SUMF1: variants seen among roughly 807,000 people sequenced by gnomAD.
SUMF1 encodes sulfatase modifying factor 1.
In SUMF1, 48 loss-of-function variants were observed where a neutral mutation model predicts 47.6. The observed-to-expected ratio is 1.01, with a 90% CI of 0.80 to 1.28. SUMF1 has a LOEUF of 1.28. Among genes scored for constraint, SUMF1 ranks in the 50% most tolerant of loss-of-function variants. The pLI is 0.00. For missense variants in SUMF1, 571 were observed against 485.4 expected (o/e 1.18, Z -1.66); for synonymous variants, 230 against 192.1 (o/e 1.20, Z -1.63).
intron 8 of SUMF1, among the ~76,000 whole-genome samples, chr3:4,273,714 C>T (rs1392312195): frequency 5.1e-5 from 4 of 78,522 alleles, no homozygotes; most frequent in Admixed American, 2.8e-4. Flanking sequence ...AGGGAGGATA[C>T]GGGAGGGAGG....
intron 8 of SUMF1, among the ~76,000 whole-genome samples, chr3:4,149,093 C>T (rs1694259122): frequency 6.6e-6 from 1 of 152,120 alleles, no homozygotes; most frequent in Non-Finnish European, 1.5e-5. Context: ...TCTGGAGTTC[C>T]TTAAGAGCTC....
At chr3:4,050,300 A>C (rs1335196116) in intron 9 of SUMF1, among the ~76,000 whole-genome samples, 1 of 151,928 alleles carries the variant, frequency 6.6e-6, no homozygotes. Context: ...TTTCCGAAAA[A>C]AAAAATACAT....
chr3:4,325,840 GA>G (rs545032685), intron 8 of SUMF1, among the ~76,000 whole-genome samples: 1,798 of 149,454 alleles, frequency 0.012, 18 homozygotes, highest in African/African-American at 0.037. Flanking sequence ...AATAAAAACT[GA>G]AAAAAAAATG....
chr3:4,065,914 CAG>C (rs1419206785), intron 9 of SUMF1, among the ~76,000 whole-genome samples: 4 of 152,078 alleles, frequency 2.6e-5, no homozygotes, highest in Admixed American at 1.3e-4. Flanking sequence ...TGTGATATGA[CAG>C]GGGAAAAAAT....
chr3:4,392,934 G>A (rs1162006076), intron 7 of SUMF1, among the ~76,000 whole-genome samples: 2 of 151,920 alleles, frequency 1.3e-5, no homozygotes, highest in African/African-American at 4.8e-5. Context: ...AACCCACTGG[G>A]CTTTCACCTT....
intron 8 of SUMF1, among the ~76,000 whole-genome samples, chr3:4,101,801 C>G (rs1380875997): frequency 2.0e-5 from 3 of 151,888 alleles, no homozygotes; most frequent in Non-Finnish European, 4.4e-5. Context: ...TTAAAATGTG[C>G]TATTTACTGT....
At chr3:4,224,709 T>A (rs1371360296) in intron 8 of SUMF1, among the ~76,000 whole-genome samples, 2 of 151,760 alleles carry the variant, frequency 1.3e-5, no homozygotes, top group African/African-American at 4.8e-5. Context: ...CAGATCTTTC[T>A]CTGGGCATGA....
At chr3:4,446,173 TC>T in intron 3 of SUMF1, among the ~76,000 whole-genome samples, 1 of 152,310 alleles carries the variant, frequency 6.6e-6, no homozygotes, top group East Asian at 1.9e-4. Context: ...TTTGGCTGAG[TC>T]CCCATCCAAA....
At chr3:4,318,363 A>G (rs536517524) in intron 8 of SUMF1, among the ~76,000 whole-genome samples, 2 of 152,218 alleles carry the variant, frequency 1.3e-5, no homozygotes, top group East Asian at 1.9e-4. Context: ...AATCATTTCC[A>G]TAGACACAAA....
chr3:4,340,075 C>T (rs1699238351), intron 8 of SUMF1, among the ~76,000 whole-genome samples: 1 of 151,016 alleles, frequency 6.6e-6, no homozygotes, highest in Non-Finnish European at 1.5e-5. Flanking sequence ...GAGACCTTGT[C>T]TCAAAACACA....
intron 7 of SUMF1, 60 bp from the exon 8 acceptor site, chr3:4,376,449 G>A: frequency 6.4e-7 from 1 of 1,560,962 alleles, no homozygotes; most frequent in Non-Finnish European, 8.8e-7. Context: ...CTTACACAGT[G>A]GGAGAGAATC....
chr3:4,177,866 C>A (rs1002738293), intron 8 of SUMF1, among the ~76,000 whole-genome samples: 6 of 152,092 alleles, frequency 3.9e-5, no homozygotes, highest in African/African-American at 1.4e-4. Context: ...GATATCACCA[C>A]CAATCCCACA....
At chr3:4,196,739 A>G (rs1695438246) in intron 8 of SUMF1, among the ~76,000 whole-genome samples, 1 of 152,130 alleles carries the variant, frequency 6.6e-6, no homozygotes, top group Non-Finnish European at 1.5e-5. Flanking sequence ...AAGCAATAAA[A>G]TATTTCCTCA....
intron 3 of SUMF1, among the ~76,000 whole-genome samples, chr3:4,442,150 C>T (rs984587450): frequency 4.6e-5 from 7 of 152,088 alleles, no homozygotes; most frequent in Non-Finnish European, 7.3e-5. Flanking sequence ...AGTTTGACAA[C>T]AGTAGCTCAC....
At chr3:4,258,212 C>A (rs1330477135) in intron 8 of SUMF1, among the ~76,000 whole-genome samples, 7 of 149,448 alleles carry the variant, frequency 4.7e-5, no homozygotes, top group Admixed American at 4.6e-4. Flanking sequence ...GCAAGGACTT[C>A]ATGTCCAAAA....
At chr3:4,170,808 A>T (rs951127253) in intron 8 of SUMF1, among the ~76,000 whole-genome samples, 1 of 152,202 alleles carries the variant, frequency 6.6e-6, no homozygotes, top group African/African-American at 2.4e-5. Context: ...ACTTTGATTC[A>T]TTCCTTACAC....
At chr3:4,190,019 A>G (rs1006439239) in intron 8 of SUMF1, among the ~76,000 whole-genome samples, 2 of 152,178 alleles carry the variant, frequency 1.3e-5, no homozygotes, top group Admixed American at 6.5e-5. Context: ...ACATCAGTGA[A>G]TTGACTCCAA....
chr3:4,148,784 A>G (rs1694252547), intron 8 of SUMF1, among the ~76,000 whole-genome samples: 1 of 152,156 alleles, frequency 6.6e-6, no homozygotes, highest in Non-Finnish European at 1.5e-5. Flanking sequence ...AACATTAGCA[A>G]CTTCCTAAAC....
rs537094155 is a variant in SUMF1, at chr3:4,294,336, A to G, written c.1014+81994T>C. ...TCAGCACTTTGGGAGGCCAAGGCAGAGGGATCATCTGAGCCCTGGAGTTCA... is the reference window on the plus strand; with the variant it reads ...TCAGCACTTTGGGAGGCCAAGGCAGGGGGATCATCTGAGCCCTGGAGTTCA... On this transcript the variant is annotated intron_variant and NMD_transcript_variant, in intron 8 of 12. Transcript: ENST00000448413. 2.4e-3 allele frequency among the ~76,000 whole-genome samples: 358 copies of G among 152,312 alleles called. 1 individual carries two copies. Among genetic ancestry groups the G allele is most frequent in the African/African-American group, 8.2e-3 (341 of 41,562 alleles).
Sources: allele counts gnomAD v4.1 joint callset (sites outside exome capture counted in the v4.1 genomes callset), GRCh38; gene constraint gnomAD v4.1.1; transcripts MANE v1.5; gene names NCBI Gene and HGNC (gene_info 2026-07-23, HGNC 2026-07-21).